The following TEX36 variants were observed in gnomAD, a reference collection of about 807,000 sequenced individuals.
The protein encoded by TEX36 is testis-expressed protein 36.
TEX36 carries 12 observed loss-of-function variants against 13.6 expected under a neutral mutation model. The ratio of observed to expected loss-of-function variants is 0.88; its 90% confidence interval spans 0.56 to 1.43. TEX36 has a LOEUF of 1.43. Among genes scored for constraint, TEX36 ranks in the 40% most tolerant of loss-of-function variants. The pLI is 0.00. For missense variants in TEX36, 224 were observed against 228.3 expected, an observed-to-expected ratio of 0.98 and a Z score of 0.12; for synonymous variants, 93 against 83.0, an observed-to-expected ratio of 1.12 and a Z score of -0.65.
intron 3 of TEX36, among the ~76,000 whole-genome samples, chr10:125,642,529 A>AT (rs937426504): frequency 1.3e-5 from 2 of 152,134 alleles, no homozygotes; most frequent in African/African-American, 4.8e-5. Flanking sequence ...TATTTGTGTC[A>AT]TTTTTTTAAG....
intron 3 of TEX36, among the ~76,000 whole-genome samples, chr10:125,578,945 T>G (rs1164827370): frequency 6.6e-6 from 1 of 152,164 alleles, no homozygotes; most frequent in Non-Finnish European, 1.5e-5. Flanking sequence ...CGCCCATGCC[T>G]CCTTCCTAGT....
chr10:125,631,835 C>A (rs1387822448), intron 3 of TEX36, among the ~76,000 whole-genome samples: 2 of 152,138 alleles, frequency 1.3e-5, no homozygotes, highest in African/African-American at 4.8e-5. Flanking sequence ...AGGCCACTTG[C>A]AGAGGCTGGT....
intron 3 of TEX36, among the ~76,000 whole-genome samples, chr10:125,644,278 AC>A (rs1846734411): frequency 6.6e-6 from 1 of 152,246 alleles, no homozygotes; most frequent in South Asian, 2.1e-4. Context: ...AGATAAGTAG[AC>A]AAAAAATATA....
chr10:125,603,651 T>C (rs1846177852), intron 3 of TEX36, among the ~76,000 whole-genome samples: 1 of 152,208 alleles, frequency 6.6e-6, no homozygotes, highest in African/African-American at 2.4e-5. Context: ...CTGGTTTCTG[T>C]GGCAGGGCAT....
At chr10:125,650,418 A>G (rs1846834603) in intron 3 of TEX36, among the ~76,000 whole-genome samples, 1 of 152,234 alleles carries the variant, frequency 6.6e-6, no homozygotes, top group South Asian at 2.1e-4. Flanking sequence ...AACGAAATGA[A>G]GGCAGAAATA....
intron 3 of TEX36, among the ~76,000 whole-genome samples, chr10:125,647,865 C>A (rs570043370): frequency 1.2e-3 from 176 of 152,344 alleles, no homozygotes; most frequent in African/African-American, 3.8e-4. Context: ...TATCCCGCGC[C>A]TGGCTCAGAG....
chr10:125,603,202 CT>C (rs1433076945), intron 3 of TEX36, among the ~76,000 whole-genome samples: 1 of 152,248 alleles, frequency 6.6e-6, no homozygotes, highest in East Asian at 1.9e-4. Flanking sequence ...AGCACCACCC[CT>C]CTCCATGGCC....
chr10:125,611,709 C>A (rs1215206130), intron 3 of TEX36, among the ~76,000 whole-genome samples: 7 of 151,816 alleles, frequency 4.6e-5, no homozygotes, highest in Non-Finnish European at 1.0e-4. Flanking sequence ...TGAGCAGAAG[C>A]TTTAAATGTT....
At chr10:125,581,436 A>T (rs1481973799) in intron 3 of TEX36, among the ~76,000 whole-genome samples, 2 of 152,136 alleles carry the variant, frequency 1.3e-5, no homozygotes, top group Non-Finnish European at 2.9e-5. Flanking sequence ...CCTCGGGCAC[A>T]TCCTCCTGGG....
In TEX36 at chr10:125,650,063, C is replaced by T. The variant is rs558863948; in HGVS notation, c.264+10958G>A. Reference sequence around the variant, plus strand: ...AATAATTATGGGAGACTGTAACACCCCACTGTCAACATTAGACAGATCCAT... The same window carrying T: ...AATAATTATGGGAGACTGTAACACCTCACTGTCAACATTAGACAGATCCAT... On this transcript the variant is annotated intron_variant, in intron 3 of 3. Coordinates refer to the TEX36 transcript ENST00000526819. 3.9e-5 allele frequency among the ~76,000 whole-genome samples: 6 copies of T among 152,252 alleles called. No individual in the cohort carries two copies. In the East Asian group the frequency reaches 1.2e-3, roughly 29 times the overall value.
intron 3 of TEX36, among the ~76,000 whole-genome samples, chr10:125,643,592 A>G (rs1846722739): frequency 6.6e-6 from 1 of 152,072 alleles, no homozygotes; most frequent in Non-Finnish European, 1.5e-5. Context: ...AATACAAAAA[A>G]TTAGCCAGGC....
At position 125,660,989 on chromosome 10, in the gene TEX36, G is replaced by A. The variant is rs539071983; in HGVS notation, c.264+32C>T. 417 of 1,522,942 alleles carry A rather than the reference G, an allele frequency of 2.7e-4. 1 individual carries two copies. Among genetic ancestry groups the A allele is most frequent in the Non-Finnish European group, 3.6e-4 (404 of 1,121,026 alleles). 94.3% of individuals were successfully genotyped at this position (1,522,942 alleles called of 1,614,324 possible). ...ATCAAGATCCCTTGTGTTGTTCCCT[G>A]TTTTATTAATAATTTGGAAAGAAAT... On this transcript the variant is annotated intron_variant, in intron 3 of 3. Coordinates refer to ENST00000368821, the MANE Select transcript of TEX36 (RefSeq NM_001128202.3).
chr10:125,596,412 C>A (rs1454852996), intron 3 of TEX36, among the ~76,000 whole-genome samples: 1 of 151,988 alleles, frequency 6.6e-6, no homozygotes, highest in Non-Finnish European at 1.5e-5. Flanking sequence ...AAAGATAAAG[C>A]AAAACTGTTG....
intron 3 of TEX36, among the ~76,000 whole-genome samples, chr10:125,627,697 G>A (rs1164354424): frequency 6.6e-6 from 1 of 152,188 alleles, no homozygotes; most frequent in South Asian, 2.1e-4. Flanking sequence ...AATAAATAAT[G>A]CCATCGCATT....
chr10:125,622,156 A>G (rs1033868792), intron 3 of TEX36, among the ~76,000 whole-genome samples: 2 of 152,186 alleles, frequency 1.3e-5, no homozygotes, highest in African/African-American at 2.4e-5. Flanking sequence ...ATCATACTTA[A>G]TCTCCACATA....
At chr10:125,622,618 T>C (rs1846440514) in intron 3 of TEX36, among the ~76,000 whole-genome samples, 1 of 152,238 alleles carries the variant, frequency 6.6e-6, no homozygotes, top group Non-Finnish European at 1.5e-5. Context: ...TGGCCTTAGC[T>C]TCCAAGATCA....
At chr10:125,591,354 C>T (rs971111795) in intron 3 of TEX36, among the ~76,000 whole-genome samples, 3 of 152,034 alleles carry the variant, frequency 2.0e-5, no homozygotes, top group African/African-American at 7.2e-5. Context: ...CAATGTAGTC[C>T]CCAAATCCCC....
chr10:125,664,088 T>C (rs1847089261), intron 1 of TEX36, among the ~76,000 whole-genome samples: 1 of 152,224 alleles, frequency 6.6e-6, no homozygotes, highest in African/African-American at 2.4e-5. Flanking sequence ...TGAGAACATG[T>C]GAAAAGTTTG....
At chr10:125,643,891 G>A (rs558242688) in intron 3 of TEX36, among the ~76,000 whole-genome samples, 18 of 152,240 alleles carry the variant, frequency 1.2e-4, no homozygotes, top group South Asian at 6.2e-4. Flanking sequence ...CAGCCTTGGT[G>A]ACAGAGCGAG....
Sources: allele counts gnomAD v4.1 joint callset (sites outside exome capture counted in the v4.1 genomes callset), GRCh38; gene constraint gnomAD v4.1.1; transcripts MANE v1.5; gene names NCBI Gene and HGNC (gene_info 2026-07-23, HGNC 2026-07-21).